CD2BP2: variants seen among roughly 807,000 people sequenced by gnomAD.
CD2BP2 encodes the protein CD2 antigen cytoplasmic tail-binding protein 2.
A neutral mutation model predicts 35.9 loss-of-function variants in CD2BP2; 27 were observed. The ratio of observed to expected loss-of-function variants is 0.75; its 90% CI spans 0.55 to 1.04. The LOEUF (loss-of-function observed/expected upper bound fraction) is 1.04. Ranked by LOEUF, CD2BP2 falls within the 50% of genes least tolerant of loss-of-function variation. The probability of loss-of-function intolerance (pLI) is 0.00; values close to 1 mark genes in which losing one functional copy is unlikely to be tolerated. For missense variants in CD2BP2, 497 were observed against 444.3 expected (o/e 1.12, Z -1.07); for synonymous variants, 213 against 173.5 (o/e 1.23, Z -1.79).
At chr16:30,353,136 TG>T (rs1310680175) in intron 6 of CD2BP2, 41 bp from the exon 7 acceptor site, 1 of 1,606,504 alleles carries the variant, frequency 6.2e-7, no homozygotes, top group East Asian at 2.2e-5. Flanking sequence ...CTGACAGGAG[TG>T]GGGGAAGCAG....
Position 30,353,796 on chromosome 16 carries a change from T to C in CD2BP2, c.380A>G (p.Lys127Arg). ...DSWLDNIDWV[K>R]IRERPPGQRQ... ...CTGGCCAGGTGGCCGCTCCCGGATC[T>C]TCACCTGTAATGGGAAGATGGAGTG... The change falls in exon 5 of 7, where the codon AAG becomes AGG. Residue 127 changes from lysine (K) to arginine (R), a missense_variant. Physicochemically the swap from Lys to Arg is conservative, Grantham distance 26. Transcript: ENST00000305596. 1 of 1,603,096 alleles carries C rather than the reference T, an allele frequency of 6.2e-7. No homozygotes were observed. The highest frequency in any genetic ancestry group is 1.1e-5 in the South Asian group (1 of 90,890).
Position 30,352,425 on chromosome 16 carries a change from C to T in CD2BP2, c.*560G>A, listed in dbSNP as rs2151096860. 6.4e-6 allele frequency: 1 copy of T among 155,156 alleles called. No individual in the cohort carries two copies. The highest frequency in any genetic ancestry group is 1.4e-5 in the Non-Finnish European group (1 of 69,766). The allele number at this position is 155,156 out of a possible 1,614,324, so 9.6% of individuals were successfully genotyped here. ...CTCTCAGAACCTTAGGGATCTCGGTCTTGGGCCACTCATCCCACTTCTGCC... is the reference window on the plus strand; with the variant it reads ...CTCTCAGAACCTTAGGGATCTCGGTTTTGGGCCACTCATCCCACTTCTGCC... On this transcript the variant is annotated 3_prime_UTR_variant, in exon 7 of 7. Transcript: ENST00000305596.
Position 30,352,863 on chromosome 16 carries a change from T to A in CD2BP2, c.*122A>T. 1.5e-6 allele frequency: 1 copy of A among 687,534 alleles called. No homozygotes were observed. The highest frequency in any genetic ancestry group is 2.6e-6 in the Non-Finnish European group (1 of 384,094). The allele number at this position is 687,534 out of a possible 1,614,324, so 42.6% of individuals were successfully genotyped here. On this transcript the variant is annotated 3_prime_UTR_variant, in exon 7 of 7. Coordinates refer to ENST00000305596, the MANE Select transcript of CD2BP2 (RefSeq NM_006110.3). ...AGGCCCCAGTACACAACTAAAGGCTTTTATTGGGAAAGGGAAATTGACTGA... is the reference window on the plus strand; with the variant it reads ...AGGCCCCAGTACACAACTAAAGGCTATTATTGGGAAAGGGAAATTGACTGA...
Position 30,353,857 on chromosome 16 carries a change from T to C in CD2BP2, c.375+44A>G, listed in dbSNP as rs200020869. 305 of 1,610,116 alleles carry C rather than the reference T, an allele frequency of 1.9e-4. 2 individuals are homozygous for C. In the East Asian group the frequency reaches 6.1e-3, roughly 32 times the overall value. On this transcript the variant is annotated intron_variant, in intron 4 of 6. Transcript: ENST00000305596. ...AACTGCCACGGGAGCAGGCCCAGCATCTGCCACTCCCAGGCCCCAGCCACG... is the reference window on the plus strand; with the variant it reads ...AACTGCCACGGGAGCAGGCCCAGCACCTGCCACTCCCAGGCCCCAGCCACG...
chr16:30,354,298 C>T lies in CD2BP2; in HGVS notation c.103G>A (p.Gly35Arg). ...CCTTTAAAGCGGCTCCCAGGACCCCCTGACCCAGCCACAGGGTCCACCAGC... is the reference window on the plus strand; with the variant it reads ...CCTTTAAAGCGGCTCCCAGGACCCCTTGACCCAGCCACAGGGTCCACCAGC... ...KKLVDPVAGS[G>R]GPGSRFKGKH... Residue 35 changes from glycine to arginine, a missense_variant, in exon 3 of 7, where the codon GGG becomes AGG. Gly to Arg is a moderately radical substitution (Grantham distance 125, BLOSUM62 -2). Transcript: ENST00000305596. 6.2e-7 allele frequency: 1 copy of T among 1,614,032 alleles called. No homozygotes were observed. Among genetic ancestry groups the T allele is most frequent in the South Asian group, 1.1e-5 (1 of 91,074 alleles).
At position 30,353,907 on chromosome 16, in the gene CD2BP2, A is replaced by C. The variant is rs1421099668; in HGVS notation, c.369T>G (p.Ile123Met). The C allele has an allele frequency of 1.2e-6, 2 of 1,613,938 alleles. No individual in the cohort carries two copies. The highest frequency in any genetic ancestry group is 1.6e-4 in the Middle Eastern group (1 of 6,062). ...AQIRDSWLDN[I>M]DWVKIRERPP... ...GCCAGCCCCTGGGCCGCACCCAGTC[A>C]ATGTTGTCCAGCCAGCTGTCTCGGA... The change falls in exon 4 of 7, where the codon ATT (isoleucine) becomes ATG (methionine). Residue 123 changes from isoleucine to methionine, a missense_variant. Coordinates refer to ENST00000305596, the MANE Select transcript of CD2BP2 (RefSeq NM_006110.3).
intron 1 of CD2BP2, 180 bp downstream of exon 1, chr16:30,355,032 C>T (rs963494440): frequency 3.3e-6 from 1 of 301,736 alleles, no homozygotes; most frequent in Non-Finnish European, 6.4e-6. Flanking sequence ...GACCCCCGCT[C>T]TCTACCCTGG....
At position 30,354,241 on chromosome 16, in the gene CD2BP2, C is replaced by T. The variant is rs766315019; in HGVS notation, c.160G>A (p.Asp54Asn). The T allele has an allele frequency of 2.5e-6, 4 of 1,614,110 alleles. No homozygotes were observed. The highest frequency in any genetic ancestry group is 2.2e-5 in the East Asian group (1 of 44,872). Residue 54 changes from aspartate (D) to asparagine (N), a missense_variant, in exon 3 of 7, where the codon GAT becomes AAT. Asp to Asn is a conservative substitution (Grantham distance 23, BLOSUM62 1). Coordinates refer to ENST00000305596, the MANE Select transcript of CD2BP2 (RefSeq NM_006110.3). ...TTGCTGGACCCCCCATCATCATCATCCTCCTCCTCATCGCTATCCAAAGAG... is the reference window on the plus strand; with the variant it reads ...TTGCTGGACCCCCCATCATCATCATTCTCCTCCTCATCGCTATCCAAAGAG... Reference protein sequence around the residue: ...KHSLDSDEEEDDDDGGSSKYD... With the variant: ...KHSLDSDEEENDDDGGSSKYD...
rs1006362385 is a variant in CD2BP2 at position 30,350,978 on chromosome 16, T to C, written c.*2007A>G. ...CCATCTTCACAGCCAGAAGCTTCCTTGCTTCATGCGCAGACCCTCGTGACT... is the reference window on the plus strand; with the variant it reads ...CCATCTTCACAGCCAGAAGCTTCCTCGCTTCATGCGCAGACCCTCGTGACT... On this transcript the variant is annotated 3_prime_UTR_variant, in exon 7 of 7. Transcript: ENST00000305596. The C allele has an allele frequency of 6.6e-6, 1 of 152,670 alleles. No homozygotes were observed. Among genetic ancestry groups the C allele is most frequent in the African/African-American group, 2.4e-5 (1 of 41,428 alleles). 9.5% of individuals were successfully genotyped at this position (152,670 alleles called of 1,614,324 possible). A position where few individuals can be genotyped will look rare whatever the true frequency, so the allele number is the denominator to read the frequency against.
rs2049499778 is a variant in CD2BP2 at position 30,353,298 on chromosome 16, A to C, written c.809-11T>G. 1 of 1,613,938 alleles carries C rather than the reference A, an allele frequency of 6.2e-7. No individual in the cohort carries two copies. The highest frequency in any genetic ancestry group is 1.7e-5 in the Admixed American group (1 of 60,020). On this transcript the variant is annotated splice_polypyrimidine_tract_variant and intron_variant, in intron 5 of 6. Transcript: ENST00000305596. The stretch of plus-strand genomic sequence containing the variant: ...CCCGCGACTCTGCTTCTAAAATAAC[A>C]GGCAAAGCCATTTGGCCTCCAGTGT...
In CD2BP2 at chr16:30,353,049, T is replaced by C; in HGVS notation, c.962A>G (p.Lys321Arg). The C allele has an allele frequency of 1.2e-6, 2 of 1,614,056 alleles. No individual in the cohort carries two copies. Among genetic ancestry groups the C allele is most frequent in the South Asian group, 2.2e-5 (2 of 91,076 alleles). ...GYFPDGVYCR[K>R]LDPPGGQFYN... is the part of the protein sequence containing the mutation. ...GAACTGACCACCAGGGGGGTCCAGC[T>C]TCCGGCAATAAACACCGTCCGGGAA... The change falls in exon 7 of 7, where the codon AAG (lysine) becomes AGG (arginine). Residue 321 changes from lysine to arginine, a missense_variant. Transcript: ENST00000305596.
At chr16:30,354,556 G>A (rs1031972873) in intron 2 of CD2BP2, 48 bp downstream of exon 2, 6 of 1,584,500 alleles carry the variant, frequency 3.8e-6, no homozygotes, top group Non-Finnish European at 5.2e-6. Flanking sequence ...TTCCTCTTCA[G>A]GCTTCTAGCT....
rs778899928 is a variant in CD2BP2, at chr16:30,353,102, G to C, written c.916-7C>G. On this transcript the variant is annotated splice_polypyrimidine_tract_variant and splice_region_variant and intron_variant, in intron 6 of 6. Transcript: ENST00000305596. ...AGCCTTCACTCACCCAGGTCTGCAA[G>C]GAGAGGGCAGAGCTGGGGAACAACT... The C allele has an allele frequency of 1.2e-6, 2 of 1,610,890 alleles. No homozygotes were observed. The highest frequency in any genetic ancestry group is 1.7e-6 in the Non-Finnish European group (2 of 1,177,150).
intron 1 of CD2BP2, chr16:30,355,004 C>G (rs1193980613): frequency 3.1e-6 from 1 of 320,218 alleles, no homozygotes; most frequent in Admixed American, 4.6e-5. Flanking sequence ...AGTCTGCGCG[C>G]CACCGGCTCC....
Position 30,354,736 on chromosome 16 carries a change from C to T in CD2BP2, c.-26-29G>A, listed in dbSNP as rs1333413239. 3 of 1,516,224 alleles carry T rather than the reference C, an allele frequency of 2.0e-6. No homozygotes were observed. In the Admixed American group the frequency reaches 5.0e-5, roughly 25 times the overall value. 93.9% of individuals were successfully genotyped at this position (1,516,224 alleles called of 1,614,324 possible). ...AGGAAAGGATGCAGAGGAAGGGAAC[C>T]GGGTGAGGAGGGGACTCGCCAACAG... On this transcript the variant is annotated intron_variant, in intron 1 of 6. Transcript: ENST00000305596.
Position 30,352,995 on chromosome 16 carries a change from A to C in CD2BP2, c.1016T>G (p.Leu339Arg). 1 of 1,610,324 alleles carries C rather than the reference A, an allele frequency of 6.2e-7. No individual in the cohort carries two copies. Among genetic ancestry groups the C allele is most frequent in the Non-Finnish European group, 8.5e-7 (1 of 1,176,486 alleles). Residue 339 changes from leucine to arginine, a missense_variant, in exon 7 of 7, where the codon CTC becomes CGC. Transcript: ENST00000305596. ...FYNSKRIDFDLYT is the reference protein window; with the variant it reads ...FYNSKRIDFDRYT ...GGGCCCCCAGCAGGCTCAGGTGTAGAGGTCAAAGTCAATGCGTTTGGAGTT... is the reference window on the plus strand; with the variant it reads ...GGGCCCCCAGCAGGCTCAGGTGTAGCGGTCAAAGTCAATGCGTTTGGAGTT...
intron 2 of CD2BP2, 34 bp downstream of exon 2, chr16:30,354,570 C>G (rs1168808155): frequency 6.2e-7 from 1 of 1,603,734 alleles, no homozygotes; most frequent in Non-Finnish European, 8.5e-7. Flanking sequence ...TCTAGCTCCT[C>G]TTTCCCCCAC....
rs1164734549 is a variant in CD2BP2, at chr16:30,352,449, C to A, written c.*536G>T. ...TCTTGGGCCACTCATCCCACTTCTG[C>A]CCAGCATCTAAGGAGCTTGAGAGGG... On this transcript the variant is annotated 3_prime_UTR_variant, in exon 7 of 7. Transcript: ENST00000305596. The A allele has an allele frequency of 6.4e-6, 1 of 155,306 alleles. No individual in the cohort carries two copies. The highest frequency in any genetic ancestry group is 2.4e-5 in the African/African-American group (1 of 41,456). 9.6% of individuals were successfully genotyped at this position (155,306 alleles called of 1,614,324 possible). A position where few individuals can be genotyped will look rare whatever the true frequency, so the allele number is the denominator to read the frequency against.
In CD2BP2 at chr16:30,351,157, T is replaced by G. The variant is rs1209316159; in HGVS notation, c.*1828A>C. On this transcript the variant is annotated 3_prime_UTR_variant, in exon 7 of 7. Coordinates refer to ENST00000305596, the MANE Select transcript of CD2BP2 (RefSeq NM_006110.3). ...TTCCCACGTCCTGGGGTTCCAAACC[T>G]GGACATCTCTGGGGGCTGTTATTCC... is the stretch of plus-strand genomic sequence containing the variant. 6.6e-6 allele frequency: 1 copy of G among 152,584 alleles called. No individual in the cohort carries two copies. The highest frequency in any genetic ancestry group is 6.5e-5 in the Admixed American group (1 of 15,274). 9.5% of individuals were successfully genotyped at this position (152,584 alleles called of 1,614,324 possible).
Sources: gnomAD v4.1 joint callset for allele counts on GRCh38, gnomAD v4.1.1 for gene constraint, MANE v1.5 for transcripts, NCBI Gene and HGNC (gene_info 2026-07-23, HGNC 2026-07-21) for gene names.